The following FN1 variants were observed in gnomAD, a reference collection of about 807,000 sequenced individuals.
FN1 encodes the protein fibronectin 1.
FN1 carries 106 observed loss-of-function variants against 297.3 expected under a neutral mutation model. The ratio of observed to expected loss-of-function variants is 0.36; its 90% CI spans 0.30 to 0.42. FN1 has a LOEUF of 0.42. Among genes scored for constraint, FN1 ranks in the 10% least tolerant of loss-of-function variants. The pLI is 1.00. For missense variants in FN1, 2,690 were observed against 3,124.9 expected (o/e 0.86, Z 3.32); for synonymous variants, 1,149 against 1,152.6 (o/e 1.00, Z 0.06).
At position 215,375,262 on chromosome 2, in the gene FN1, C is replaced by G; in HGVS notation, c.6109G>C (p.Glu2037Gln). The G allele has an allele frequency of 6.2e-7, 1 of 1,614,160 alleles. No homozygotes were observed. The highest frequency in any genetic ancestry group is 8.5e-7 in the Non-Finnish European group (1 of 1,180,020). Residue 2037 changes from glutamate (E) to glutamine (Q), a missense_variant, in exon 38 of 46, where the codon GAA becomes CAA. By Grantham distance (29) the Glu-to-Gln change is conservative (BLOSUM62 2). Transcript: ENST00000354785. ...KYEKPGSPPR[E>Q]VVPRPRPGVT... ...CCAGGGCGGGGCCGAGGGACCACTT[C>G]TCTGGGAGGAGACCCAGGCTTCTCA...
Position 215,386,923 on chromosome 2 carries a change from T to C in FN1, c.4378A>G (p.Ile1460Val). The change falls in exon 28 of 46, where the codon ATT becomes GTT. Residue 1460 changes from isoleucine to valine, a missense_variant. Physicochemically the swap from Ile to Val is conservative, Grantham distance 29 (BLOSUM62 3). Around this residue, in one of 3 missense-constraint regions of FN1, gnomAD observed 1,743 missense variants for 1,945.2 expected, o/e 0.90. Transcript: ENST00000354785. ...DSPTGIDFSD[I>V]TANSFTVHWI... ...TGCACAGTAAAAGAGTTGGCAGTAA[T>C]ATCAGAAAAGTCAATGCCAGTTGGG... 6.2e-7 allele frequency: 1 copy of C among 1,612,822 alleles called. No homozygotes were observed. The highest frequency in any genetic ancestry group is 8.5e-7 in the Non-Finnish European group (1 of 1,179,634).
intron 28 of FN1, among the ~76,000 whole-genome samples, chr2:215,385,684 T>A (rs2058861265): frequency 6.6e-6 from 1 of 151,946 alleles, no homozygotes; most frequent in Non-Finnish European, 1.5e-5. Context: ...ACTGTTCCCG[T>A]AAGTACTTCA....
At chr2:215,412,893 TTTTTA>T (rs1308384854) in intron 13 of FN1, among the ~76,000 whole-genome samples, 3 of 151,878 alleles carry the variant, frequency 2.0e-5, no homozygotes, top group African/African-American at 4.8e-5. Context: ...AAATGTTTAC[TTTTTA>T]TTTTGTCTTG....
chr2:215,423,277 C>A, intron 9 of FN1, 73 bp downstream of exon 9: 1 of 1,496,418 alleles, frequency 6.7e-7, no homozygotes, highest in Non-Finnish European at 9.3e-7. Flanking sequence ...TGGGAGTAAA[C>A]TGGACACTAG....
chr2:215,374,677 C>T (rs910928554), intron 38 of FN1, among the ~76,000 whole-genome samples: 1 of 152,188 alleles, frequency 6.6e-6, no homozygotes, highest in Non-Finnish European at 1.5e-5. Flanking sequence ...TTAAATATTT[C>T]ATCTCTTGGG....
chr2:215,406,279 T>C lies in FN1; in HGVS notation c.2945A>G (p.His982Arg). ...AGTCAGAGGCTTGCTCTCCCTCCCA[T>C]GGCTCACTGCAAAGACTTTGAAGTA... ...TYYFKVFAVS[H>R]GRESKPLTAQ... Residue 982 changes from histidine (H) to arginine (R), a missense_variant, in exon 19 of 46, where the codon CAT becomes CGT. Transcript: ENST00000354785. 1 of 1,614,146 alleles carries C rather than the reference T, an allele frequency of 6.2e-7. No individual in the cohort carries two copies. The highest frequency in any genetic ancestry group is 1.3e-5 in the African/African-American group (1 of 75,046).
intron 2 of FN1, among the ~76,000 whole-genome samples, chr2:215,434,420 G>A (rs771081381): frequency 6.6e-6 from 1 of 151,438 alleles, no homozygotes; most frequent in Non-Finnish European, 1.5e-5. Flanking sequence ...TTTTTTTGTC[G>A]GAGGACACAC....
At chr2:215,384,486 C>A in intron 29 of FN1, 1 of 431,314 alleles carries the variant, frequency 2.3e-6, no homozygotes. Context: ...GGATTGCATG[C>A]ATTGTGTCCT....
At chr2:215,364,298 T>A (rs942427605) in intron 44 of FN1, 1 of 175,954 alleles carries the variant, frequency 5.7e-6, no homozygotes, top group African/African-American at 2.5e-5. Context: ...TTCTTACATC[T>A]GAGATATTAT....
intron 42 of FN1, 157 bp downstream of exon 42, chr2:215,367,706 A>G (rs1027839194): frequency 5.3e-6 from 4 of 757,956 alleles, no homozygotes; most frequent in South Asian, 1.6e-5. Flanking sequence ...TCATTTTTCT[A>G]TGATGCAAAA....
chr2:215,419,451 G>A, intron 11 of FN1, 66 bp from the exon 12 acceptor site: 3 of 1,331,408 alleles, frequency 2.3e-6, no homozygotes, highest in Non-Finnish European at 3.3e-6. Flanking sequence ...TAATTTCAGG[G>A]TGCTAGAGCA....
rs1049782878 is a variant in FN1, at chr2:215,425,150, C to T, written c.980G>A (p.Gly327Glu). ...SVGMQWLKTQGNKQMLCTCLG... is the reference protein window; with the variant it reads ...SVGMQWLKTQENKQMLCTCLG... ...GCACGTGCAAAGCATTTGCTTATTTCCTTGTGTCTTCAGCCACTGCATCCC... is the reference window on the plus strand; with the variant it reads ...GCACGTGCAAAGCATTTGCTTATTTTCTTGTGTCTTCAGCCACTGCATCCC... Residue 327 changes from glycine to glutamate, a missense_variant, in exon 7 of 46, where the codon GGA becomes GAA. Gly to Glu is a moderately conservative substitution (Grantham distance 98). This residue lies in a region of FN1 where 876 missense variants were observed against 1,058.1 expected (regional missense o/e 0.83). Transcript: ENST00000354785. 2.5e-6 allele frequency: 4 copies of T among 1,614,030 alleles called. No homozygotes were observed. In the African/African-American group the frequency reaches 5.3e-5, roughly 22 times the overall value.
At chr2:215,371,372 T>C (rs1427045900) in intron 40 of FN1, among the ~76,000 whole-genome samples, 2 of 152,100 alleles carry the variant, frequency 1.3e-5, no homozygotes, top group Non-Finnish European at 2.9e-5. Context: ...GTTTTTTTTT[T>C]TCTTTAGATA....
intron 41 of FN1, 114 bp from the exon 42 acceptor site, chr2:215,368,141 G>T: frequency 9.2e-7 from 1 of 1,085,770 alleles, no homozygotes; most frequent in Non-Finnish European, 1.4e-6. Context: ...AGAATTCCAG[G>T]AGGATTAAGA....
rs55822567 is a variant in FN1, at chr2:215,428,273, T to A, written c.751A>T (p.Asn251Tyr). 1.8e-3 allele frequency: 2,872 copies of A among 1,614,132 alleles called. 2 individuals carry two copies. The highest frequency in any genetic ancestry group is 2.2e-3 in the Non-Finnish European group (2,620 of 1,179,928). Residue 251 changes from asparagine (N) to tyrosine (Y), a missense_variant, in exon 6 of 46, where the codon AAT (asparagine) becomes TAT (tyrosine). Physicochemically the swap from Asn to Tyr is moderately radical, Grantham distance 143. Coordinates refer to ENST00000354785, the MANE Select transcript of FN1 (RefSeq NM_212482.4). ...RIGDTWSKKD[N>Y]RGNLLQCICT... ...ATGCACTGGAGCAGGTTTCCTCGAT[T>A]ATCCTTCTTGCTCCAGGTGTCTCCA...
chr2:215,423,376 T>C lies in FN1; in HGVS notation c.1367A>G (p.Gln456Arg), dbSNP rs755283481. 6.2e-6 allele frequency: 10 copies of C among 1,614,198 alleles called. No individual in the cohort carries two copies. The highest frequency in any genetic ancestry group is 2.2e-5 in the South Asian group (2 of 91,088). Residue 456 changes from glutamine to arginine, a missense_variant, in exon 9 of 46, where the codon CAG becomes CGG. Coordinates refer to ENST00000354785, the MANE Select transcript of FN1 (RefSeq NM_212482.4). The stretch of plus-strand genomic sequence containing the variant: ...AGCCATGGGGCAGAACCCAAACTTC[T>C]GGTCGGCATCATAGTTCTGTGTGGT... ...CGTTQNYDAD[Q>R]KFGFCPMAAH...
rs765023530 is a variant in FN1 at position 215,361,989 on chromosome 2, A to G, written c.7342T>C (p.Tyr2448His). The G allele has an allele frequency of 1.2e-6, 2 of 1,612,980 alleles. No individual in the cohort carries two copies. The highest frequency in any genetic ancestry group is 4.5e-5 in the East Asian group (2 of 44,868). ...GQSYNQYSQRYHQRTNTNVNC... is the reference protein window; with the variant it reads ...GQSYNQYSQRHHQRTNTNVNC... ...CTTACAGTGTTTGTTCTCTGATGGT[A>G]TCTCTGAGAATACTGGTTGTAGGAC... is the stretch of plus-strand genomic sequence containing the variant. The change falls in exon 45 of 46, where the codon TAC (tyrosine) becomes CAC (histidine). Residue 2448 changes from tyrosine (Y) to histidine (H), a missense_variant. This residue lies in a region of FN1 where 1,743 missense variants were observed against 1,945.2 expected (regional missense o/e 0.90). Coordinates refer to ENST00000354785, the MANE Select transcript of FN1 (RefSeq NM_212482.4).
At chr2:215,408,493 T>C (rs2106285816) in intron 15 of FN1, 67 bp from the exon 16 acceptor site, 1 of 1,481,464 alleles carries the variant, frequency 6.8e-7, no homozygotes, top group South Asian at 1.1e-5. Context: ...CTACAGCTTA[T>C]AAGAAGGATA....
At chr2:215,396,127 T>G (rs935319986) in intron 23 of FN1, among the ~76,000 whole-genome samples, 1 of 152,248 alleles carries the variant, frequency 6.6e-6, no homozygotes, top group African/African-American at 2.4e-5. Flanking sequence ...ATAAGAACTA[T>G]ATAATACTTT....
Sources: gnomAD v4.1 joint callset for allele counts (sites outside exome capture counted in the v4.1 genomes callset) on GRCh38, gnomAD v4.1.1 for gene constraint, gnomAD v4.1.1 regional missense constraint, MANE v1.5 for transcripts, NCBI Gene and HGNC (gene_info 2026-07-23, HGNC 2026-07-21) for gene names.